The following UQCC6 variants were observed in gnomAD, a reference collection of about 807,000 sequenced individuals.
UQCC6 encodes protein BRAWNIN.
At chr12:103,956,748 G>C in the UQCC6 span, 2 of 1,541,988 alleles carry the variant, frequency 1.3e-6, no homozygotes, top group South Asian at 1.2e-5. Flanking sequence ...TGGTCGGCAG[G>C]CTGGACGGGG....
At chr12:103,963,690 A>G in the UQCC6 span, among the ~76,000 whole-genome samples, 1 of 152,098 alleles carries the variant, frequency 6.6e-6, no homozygotes, top group Non-Finnish European at 1.5e-5. Context: ...TCTATCCTTA[A>G]ATATTTCATA....
the UQCC6 span, chr12:103,954,945 C>A: frequency 1.4e-6 from 1 of 701,652 alleles, no homozygotes; most frequent in South Asian, 1.5e-5. Flanking sequence ...AAATCAACTT[C>A]ACTCTTCTCA....
chr12:103,961,850 G>A, the UQCC6 span, among the ~76,000 whole-genome samples: 51 of 152,256 alleles, frequency 3.3e-4, no homozygotes, highest in South Asian at 4.8e-3. Context: ...GTGAGCCACC[G>A]TGCTGGGCCT....
chr12:103,959,666 C>T, the UQCC6 span, among the ~76,000 whole-genome samples: 4 of 151,664 alleles, frequency 2.6e-5, no homozygotes, highest in Non-Finnish European at 1.5e-5. Flanking sequence ...GAGCTGAGAT[C>T]GTGCCACTGT....
chr12:103,956,516 T>C, the UQCC6 span: 2 of 688,878 alleles, frequency 2.9e-6, no homozygotes, highest in Non-Finnish European at 5.1e-6. Flanking sequence ...ACGAGGAGAA[T>C]GGAGTGGTCC....
At chr12:103,960,212 A>G in the UQCC6 span, among the ~76,000 whole-genome samples, 1 of 152,124 alleles carries the variant, frequency 6.6e-6, no homozygotes, top group African/African-American at 2.4e-5. Flanking sequence ...CTTGAATTAC[A>G]GGCAGGCGCC....
At chr12:103,959,639 G>T in the UQCC6 span, among the ~76,000 whole-genome samples, 1 of 151,764 alleles carries the variant, frequency 6.6e-6, no homozygotes, top group African/African-American at 2.4e-5. Flanking sequence ...TTGAATCCAG[G>T]AGGTGGAGGT....
chr12:103,954,408 G>A, the UQCC6 span, among the ~76,000 whole-genome samples: 2 of 152,240 alleles, frequency 1.3e-5, no homozygotes, highest in Admixed American at 1.3e-4. Context: ...GCCTCAGAAA[G>A]CTTTTAACTC....
the UQCC6 span, chr12:103,950,318 TGAGAAAGGAAACAG>T: frequency 1.1e-5 from 1 of 89,624 alleles, no homozygotes; most frequent in Non-Finnish European, 2.3e-5. Context: ...GATCAACACC[TGAGAAAGGAAACAG>T]GACTGAGCAG....
At chr12:103,957,361 G>A in the UQCC6 span, 1 of 151,754 alleles carries the variant, frequency 6.6e-6, no homozygotes, top group Admixed American at 6.6e-5. Context: ...CAGGCTCCCA[G>A]CACCTCCATC....
the UQCC6 span, chr12:103,953,454 AG>A: frequency 1.3e-5 from 9 of 702,266 alleles, no homozygotes; most frequent in Admixed American, 1.2e-4. Flanking sequence ...GCACAAGTCT[AG>A]GCAGTCATCA....
chr12:103,961,536 T>TG, the UQCC6 span, among the ~76,000 whole-genome samples: 1 of 86,250 alleles, frequency 1.2e-5, no homozygotes, highest in East Asian at 3.1e-4. Flanking sequence ...TACTGTTTGG[T>TG]TTTGTTGTTG....
At chr12:103,952,042 A>C in the UQCC6 span, among the ~76,000 whole-genome samples, 1 of 152,250 alleles carries the variant, frequency 6.6e-6, no homozygotes, top group Non-Finnish European at 1.5e-5. Context: ...TTATATGCAA[A>C]GCAGAAAGCA....
At chr12:103,965,363 T>C in the UQCC6 span, among the ~76,000 whole-genome samples, 2 of 152,198 alleles carry the variant, frequency 1.3e-5, no homozygotes, top group African/African-American at 4.8e-5. Flanking sequence ...TCCAAAGTAA[T>C]GCGGAGAGTG....
the UQCC6 span, chr12:103,951,633 G>GTA: frequency 6.9e-7 from 1 of 1,453,944 alleles, no homozygotes; most frequent in Non-Finnish European, 9.1e-7. Flanking sequence ...GGTATTGTCT[G>GTA]CAAAAAAAAC....
chr12:103,960,044 G>A, the UQCC6 span, among the ~76,000 whole-genome samples: 1 of 151,436 alleles, frequency 6.6e-6, no homozygotes, highest in African/African-American at 2.4e-5. Flanking sequence ...CAAAGTGCTG[G>A]GATTATAGGC....
At chr12:103,965,135 T>C in the UQCC6 span, among the ~76,000 whole-genome samples, 5 of 152,316 alleles carry the variant, frequency 3.3e-5, no homozygotes, top group African/African-American at 1.2e-4. Flanking sequence ...GCCTATTCCA[T>C]TAAGAGTTCC....
At chr12:103,962,948 A>G in the UQCC6 span, among the ~76,000 whole-genome samples, 1 of 152,226 alleles carries the variant, frequency 6.6e-6, no homozygotes, top group Non-Finnish European at 1.5e-5. Flanking sequence ...TTTTGCATAT[A>G]GATATCTGAA....
At chr12:103,954,910 T>C in the UQCC6 span, 3 of 699,318 alleles carry the variant, frequency 4.3e-6, no homozygotes, top group South Asian at 4.5e-5. Context: ...CCTCAAATCG[T>C]CTCACTAAGC....
Sources: allele counts gnomAD v4.1 joint callset (sites outside exome capture counted in the v4.1 genomes callset), GRCh38; gene constraint gnomAD v4.1.1; transcripts MANE v1.5; gene names NCBI Gene and HGNC (gene_info 2026-07-23, HGNC 2026-07-21).